The following PAX7 variants were observed in gnomAD, a reference collection of about 807,000 sequenced individuals.
The protein encoded by PAX7 is paired box 7.
A neutral mutation model predicts 50.7 loss-of-function variants in PAX7; 18 were observed. The observed-to-expected ratio is 0.36, with a 90% confidence interval of 0.25 to 0.53. The LOEUF (loss-of-function observed/expected upper bound fraction) is 0.53, where lower values mean the gene tolerates loss of function less well. Among genes scored for constraint, PAX7 ranks in the 20% least tolerant of loss-of-function variants. The pLI, the probability that PAX7 is intolerant of heterozygous loss-of-function variation, is 0.93. For synonymous variants in PAX7, 310 were observed against 290.4 expected, an observed-to-expected ratio of 1.07 and a Z score of -0.69; for missense variants, 644 against 702.9, an observed-to-expected ratio of 0.92 and a Z score of 0.95.
chr1:18,742,825 C>T (rs376598897), intron 8 of PAX7, among the ~76,000 whole-genome samples: 2 of 152,338 alleles, frequency 1.3e-5, no homozygotes. Context: ...TTGGGACTGT[C>T]GAGGGCCAAG....
intron 4 of PAX7, among the ~76,000 whole-genome samples, chr1:18,658,137 G>A (rs2088549962): frequency 6.6e-6 from 1 of 152,132 alleles, no homozygotes; most frequent in South Asian, 2.1e-4. Flanking sequence ...ATCTGCAGCG[G>A]GAGGAATAAT....
chr1:18,719,399 G>T (rs1168605768), intron 7 of PAX7, among the ~76,000 whole-genome samples: 1 of 152,210 alleles, frequency 6.6e-6, no homozygotes, highest in Admixed American at 6.5e-5. Context: ...CTGCGTGAGG[G>T]CTGGGGCTTT....
At chr1:18,677,809 C>T (rs1264519425) in intron 4 of PAX7, among the ~76,000 whole-genome samples, 4 of 152,080 alleles carry the variant, frequency 2.6e-5, no homozygotes, top group African/African-American at 9.7e-5. Context: ...TCTAGCCAGG[C>T]GCAGTGGCTC....
intron 8 of PAX7, among the ~76,000 whole-genome samples, chr1:18,739,107 A>C (rs1930978452): frequency 6.6e-6 from 1 of 152,198 alleles, no homozygotes; most frequent in South Asian, 2.1e-4. Context: ...CCCACAGGGC[A>C]CTGGGCAAAA....
intron 4 of PAX7, among the ~76,000 whole-genome samples, chr1:18,639,606 C>A (rs1192999224): frequency 2.6e-5 from 4 of 152,070 alleles, no homozygotes; most frequent in African/African-American, 9.7e-5. Flanking sequence ...GGGGACCCAA[C>A]AGGGAGGGGA....
chr1:18,738,695 G>GGA (rs1362271968), intron 8 of PAX7, among the ~76,000 whole-genome samples: 1 of 152,048 alleles, frequency 6.6e-6, no homozygotes, highest in Non-Finnish European at 1.5e-5. Context: ...CTCCCCAAAG[G>GGA]GAGCCCAGCA....
At chr1:18,739,650 C>G (rs1278427448) in intron 8 of PAX7, among the ~76,000 whole-genome samples, 1 of 152,180 alleles carries the variant, frequency 6.6e-6, no homozygotes, top group African/African-American at 2.4e-5. Flanking sequence ...GGAGAGCCAC[C>G]TTCAGGTGTG....
intron 6 of PAX7, 110 bp from the exon 7 acceptor site, chr1:18,702,984 C>T: frequency 9.8e-7 from 1 of 1,020,286 alleles, no homozygotes; most frequent in Non-Finnish European, 1.5e-6. Context: ...CCCTTCCCTC[C>T]AAGGAATGGA....
At chr1:18,654,246 C>T (rs2088478629) in intron 4 of PAX7, among the ~76,000 whole-genome samples, 1 of 151,890 alleles carries the variant, frequency 6.6e-6, no homozygotes, top group Non-Finnish European at 1.5e-5. Flanking sequence ...AAACAGTCTG[C>T]AAAGAAATTT....
chr1:18,731,799 T>C lies in PAX7; in HGVS notation c.1156-3833T>C, dbSNP rs2236802. On this transcript the variant is annotated intron_variant, in intron 7 of 8. Transcript: ENST00000420770. ...ATTTGATGTTCCAGGGCAAATCCCA[T>C]TGAGCAAATCCCATTACGGGAAAAG... Among the ~76,000 whole-genome samples the C allele has an allele frequency of 1.1e-3, 172 of 152,288 alleles. 3 individuals carry two copies. In the East Asian group the frequency reaches 0.024, roughly 22 times the overall value.
At chr1:18,712,176 C>A (rs1042599267) in intron 7 of PAX7, among the ~76,000 whole-genome samples, 33 of 152,346 alleles carry the variant, frequency 2.2e-4, no homozygotes, top group African/African-American at 7.7e-4. Flanking sequence ...AACTGACGGT[C>A]GCTTTAGTCC....
Position 18,746,533 on chromosome 1 carries a change from A to G in PAX7, c.*1604A>G, listed in dbSNP as rs571467800. ...CTGTAATCTACATTCCATCACCTTT[A>G]TCAGGTGCTGCTGAGTACAAAGCAC... is the stretch of plus-strand genomic sequence containing the variant. On this transcript the variant is annotated 3_prime_UTR_variant, in exon 9 of 9. Transcript: ENST00000420770. The G allele has an allele frequency of 4.3e-6, 1 of 230,994 alleles. No individual in the cohort carries two copies. The highest frequency in any genetic ancestry group is 8.6e-6 in the Non-Finnish European group (1 of 116,706). 14.3% of individuals were successfully genotyped at this position (230,994 alleles called of 1,614,324 possible). A position where few individuals can be genotyped will look rare whatever the true frequency, so the allele number is the denominator to read the frequency against.
intron 4 of PAX7, among the ~76,000 whole-genome samples, chr1:18,658,010 T>A (rs2088547674): frequency 6.6e-6 from 1 of 152,152 alleles, no homozygotes; most frequent in South Asian, 2.1e-4. Context: ...TACCTCTCAA[T>A]GGCCCTCTTT....
At chr1:18,719,950 G>A (rs892690162) in intron 7 of PAX7, among the ~76,000 whole-genome samples, 5 of 152,360 alleles carry the variant, frequency 3.3e-5, no homozygotes, top group East Asian at 1.9e-4. Flanking sequence ...CCCTCCCTGA[G>A]CCCTAAGGGC....
chr1:18,716,658 C>T (rs190159951), intron 7 of PAX7, among the ~76,000 whole-genome samples: 1 of 151,840 alleles, frequency 6.6e-6, no homozygotes, highest in East Asian at 1.9e-4. Context: ...AGAATACCTC[C>T]AGCCTGGGTC....
chr1:18,641,913 G>A (rs1028339104), intron 4 of PAX7, among the ~76,000 whole-genome samples: 1 of 151,938 alleles, frequency 6.6e-6, no homozygotes, highest in Non-Finnish European at 1.5e-5. Context: ...GGCTAACCCT[G>A]GTCCTGAGAC....
intron 5 of PAX7, among the ~76,000 whole-genome samples, chr1:18,694,142 G>T (rs80139004): frequency 0.02 from 3,022 of 152,258 alleles, 122 homozygotes; most frequent in African/African-American, 0.068. Flanking sequence ...TCTCAGAGAA[G>T]AGGGAACAAA....
Position 18,636,375 on chromosome 1 carries a change from G to A in PAX7, c.586+4G>A, listed in dbSNP as rs201253883. 3.1e-6 allele frequency: 5 copies of A among 1,614,120 alleles called. No individual in the cohort carries two copies. The highest frequency in any genetic ancestry group is 1.7e-5 in the Admixed American group (1 of 60,016). ...GACGGCATCCTGGGCGACAAAGGTAGGGAACTTCCCTGGGCTGCGAGGCCC... is the reference window on the plus strand; with the variant it reads ...GACGGCATCCTGGGCGACAAAGGTAAGGAACTTCCCTGGGCTGCGAGGCCC... On this transcript the variant is annotated splice_donor_region_variant and intron_variant, in intron 4 of 8. Transcript: ENST00000420770. This position sits in a 1 kb window ranked among gnomAD's most constrained non-coding sequence, Gnocchi z 5.1.
chr1:18,728,174 G>A (rs1317111883), intron 7 of PAX7, among the ~76,000 whole-genome samples: 1 of 152,202 alleles, frequency 6.6e-6, no homozygotes, highest in Non-Finnish European at 1.5e-5. Context: ...TTGCGTGAGT[G>A]AGCTGACGAA....
Sources: gnomAD v4.1 joint callset for allele counts (sites outside exome capture counted in the v4.1 genomes callset) on GRCh38, gnomAD v4.1.1 for gene constraint, Gnocchi (gnomAD v3.1) non-coding constraint, MANE v1.5 for transcripts, NCBI Gene and HGNC (gene_info 2026-07-23, HGNC 2026-07-21) for gene names.